The following RAB31 variants were observed in gnomAD, a reference collection of about 807,000 sequenced individuals.
The protein encoded by RAB31 is ras-related protein Rab-31.
Under a neutral mutation model 25.6 loss-of-function variants are expected in RAB31, and 21 were observed. The ratio of observed to expected loss-of-function variants is 0.82; its 90% CI spans 0.58 to 1.18. The LOEUF (loss-of-function observed/expected upper bound fraction) is 1.18. RAB31 is among the 50% of genes most tolerant of loss of function. The pLI, the probability that RAB31 is intolerant of heterozygous loss-of-function variation, is 0.00. For missense variants in RAB31, 196 were observed against 250.1 expected, an observed-to-expected ratio of 0.78 and a Z score of 1.46; for synonymous variants, 87 against 84.0, an observed-to-expected ratio of 1.04 and a Z score of -0.20.
At chr18:9,761,804 T>G (rs1371667971) in intron 1 of RAB31, among the ~76,000 whole-genome samples, 2 of 152,092 alleles carry the variant, frequency 1.3e-5, no homozygotes, top group East Asian at 3.9e-4. Context: ...CATCTTTCAT[T>G]TGTTTATTTA....
chr18:9,740,923 C>T (rs529739331), intron 1 of RAB31, among the ~76,000 whole-genome samples: 10 of 152,264 alleles, frequency 6.6e-5, no homozygotes, highest in South Asian at 6.2e-4. Flanking sequence ...GCAGTAGCAG[C>T]GCACACTGCA....
chr18:9,729,892 C>T (rs1470591016), intron 1 of RAB31, among the ~76,000 whole-genome samples: 2 of 152,130 alleles, frequency 1.3e-5, no homozygotes, highest in Admixed American at 6.6e-5. Flanking sequence ...TTACTCTTCT[C>T]TTGATGTACT....
chr18:9,745,447 G>A lies in RAB31; in HGVS notation c.40-29831G>A, dbSNP rs77798935. On this transcript the variant is annotated intron_variant, in intron 1 of 6. Transcript: ENST00000578921. ...GAATACATCTAATTTATTTTATGAG[G>A]CCAGCATTATACTGATGAAGCCTGA... Among the ~76,000 whole-genome samples, 317 of 152,238 alleles carry A rather than the reference G, an allele frequency of 2.1e-3. 1 individual carries two copies. Among genetic ancestry groups the A allele is most frequent in the African/African-American group, 7.4e-3 (307 of 41,546 alleles).
chr18:9,787,114 GT>G, intron 2 of RAB31: 1 of 218,216 alleles, frequency 4.6e-6, no homozygotes, highest in Non-Finnish European at 1.0e-5. Context: ...ATGTCGTCAA[GT>G]TGAAAAGTCT....
chr18:9,836,374 T>C (rs1244502383), intron 5 of RAB31, among the ~76,000 whole-genome samples: 1 of 152,130 alleles, frequency 6.6e-6, no homozygotes, highest in African/African-American at 2.4e-5. Context: ...CGCTAATGAG[T>C]CCACTCTTCT....
intron 1 of RAB31, among the ~76,000 whole-genome samples, chr18:9,774,010 A>G (rs1418021911): frequency 6.6e-6 from 1 of 152,162 alleles, no homozygotes; most frequent in Admixed American, 6.6e-5. Context: ...ATCTTTTAAA[A>G]TAACATCCTG....
At chr18:9,844,316 C>T (rs1311789242) in intron 5 of RAB31, among the ~76,000 whole-genome samples, 1 of 152,208 alleles carries the variant, frequency 6.6e-6, no homozygotes, top group African/African-American at 2.4e-5. Context: ...ACATCCCCAG[C>T]AGTGCTGGGT....
At chr18:9,786,764 C>T (rs1032523256) in intron 2 of RAB31, 10 of 152,128 alleles carry the variant, frequency 6.6e-5, no homozygotes, top group South Asian at 2.1e-4. Flanking sequence ...TTCCTTCTCT[C>T]GGAGGGATAT....
At chr18:9,769,716 C>T (rs1203319082) in intron 1 of RAB31, among the ~76,000 whole-genome samples, 3 of 152,094 alleles carry the variant, frequency 2.0e-5, no homozygotes, top group Non-Finnish European at 4.4e-5. Flanking sequence ...CTAGAATTTC[C>T]AATACTATGC....
rs145887826 is a variant in RAB31, at chr18:9,765,957, G to T, written c.40-9321G>T. 6.2e-3 allele frequency among the ~76,000 whole-genome samples: 945 copies of T among 152,118 alleles called. 11 individuals are homozygous for T. The highest frequency in any genetic ancestry group is 0.021 in the African/African-American group (882 of 41,452). ...GTGTAGGGGGCCGGGTGTAGGGGGT[G>T]GGGGAGAGTGGGTGGGAGGAGTATA... On this transcript the variant is annotated intron_variant, in intron 1 of 6. Transcript: ENST00000578921.
At chr18:9,808,496 G>A (rs937472704) in intron 3 of RAB31, among the ~76,000 whole-genome samples, 2 of 152,154 alleles carry the variant, frequency 1.3e-5, no homozygotes, top group South Asian at 2.1e-4. Context: ...TGTAAAAGTC[G>A]GAAGCATTCT....
chr18:9,719,272 A>G (rs1448223758), intron 1 of RAB31, among the ~76,000 whole-genome samples: 1 of 41,268 alleles, frequency 2.4e-5, no homozygotes, highest in Non-Finnish European at 4.2e-5. Flanking sequence ...TCTGTCTCAA[A>G]AAAAAAAAAA....
intron 2 of RAB31, among the ~76,000 whole-genome samples, chr18:9,777,558 T>G (rs933168524): frequency 3.9e-5 from 6 of 152,216 alleles, no homozygotes; most frequent in African/African-American, 1.4e-4. Flanking sequence ...CACTCTGCTC[T>G]GAATGTACTT....
intron 3 of RAB31, among the ~76,000 whole-genome samples, chr18:9,801,117 G>C (rs947069213): frequency 1.3e-5 from 2 of 152,144 alleles, no homozygotes; most frequent in Non-Finnish European, 2.9e-5. Context: ...GGTTCACCTT[G>C]TGGTGTGGGT....
At chr18:9,768,190 A>G (rs2068326059) in intron 1 of RAB31, among the ~76,000 whole-genome samples, 1 of 152,190 alleles carries the variant, frequency 6.6e-6, no homozygotes, top group Admixed American at 6.5e-5. Context: ...TTTATAGTAG[A>G]ATGATTTATA....
intron 5 of RAB31, among the ~76,000 whole-genome samples, chr18:9,834,757 G>A (rs183269230): frequency 6.6e-6 from 1 of 152,290 alleles, no homozygotes; most frequent in African/African-American, 2.4e-5. Flanking sequence ...GCTACTGAGT[G>A]ATTAAACAGA....
At chr18:9,803,818 C>T (rs1209972022) in intron 3 of RAB31, among the ~76,000 whole-genome samples, 6 of 152,226 alleles carry the variant, frequency 3.9e-5, no homozygotes, top group Admixed American at 3.9e-4. Flanking sequence ...GCAGGTGGAG[C>T]AGGGACTGCC....
intron 1 of RAB31, among the ~76,000 whole-genome samples, chr18:9,771,197 C>T (rs1487789374): frequency 6.6e-6 from 1 of 152,082 alleles, no homozygotes; most frequent in Non-Finnish European, 1.5e-5. Context: ...AAAATGTACA[C>T]TTAGCAGGGA....
chr18:9,802,208 A>G (rs2068517274), intron 3 of RAB31, among the ~76,000 whole-genome samples: 1 of 152,198 alleles, frequency 6.6e-6, no homozygotes, highest in South Asian at 2.1e-4. Flanking sequence ...AATATTTATC[A>G]AAAGAATCCA....
Sources: gnomAD v4.1 joint callset for allele counts (sites outside exome capture counted in the v4.1 genomes callset) on GRCh38, gnomAD v4.1.1 for gene constraint, MANE v1.5 for transcripts, NCBI Gene and HGNC (gene_info 2026-07-23, HGNC 2026-07-21) for gene names.